Variants in REPS2 observed in about 807,000 individuals in gnomAD.
The protein encoded by REPS2 is RALBP1 associated Eps domain containing 2, also known as ralBP1-associated Eps domain-containing protein 2.
Under a neutral mutation model 53.6 loss-of-function variants are expected in REPS2, and 23 were observed. That is an observed-to-expected ratio of 0.43 (90% CI 0.31 to 0.61). REPS2 has a LOEUF of 0.61. REPS2 is among the 20% of genes least tolerant of loss of function. The pLI is 0.11. For missense variants in REPS2, 446 were observed against 534.9 expected, an observed-to-expected ratio of 0.83 and a Z score of 1.64; for synonymous variants, 238 against 218.6, an observed-to-expected ratio of 1.09 and a Z score of -0.78.
At chrX:17,168,504 CTCTG>C in the REPS2 span, among the ~76,000 whole-genome samples, 26 of 111,407 alleles carry the variant, frequency 2.3e-4, no homozygotes, top group African/African-American at 7.8e-4. Flanking sequence ...CAGAGCAAGA[CTCTG>C]TCTGAGAGGC....
At chrX:17,027,442 C>T (rs776031553) in intron 4 of REPS2, among the ~76,000 whole-genome samples, 3 of 111,747 alleles carry the variant, frequency 2.7e-5, no homozygotes, top group Non-Finnish European at 3.8e-5. Context: ...CACAGTTCGA[C>T]GATCTGTTCT....
chrX:17,139,017 C>CT, intron 17 of REPS2, 56 bp downstream of exon 17: 6 of 782,259 alleles, frequency 7.7e-6, no homozygotes, highest in South Asian at 5.6e-5. Flanking sequence ...TTTTAAAAAG[C>CT]TTTTTTTTAA....
At chrX:17,069,416 A>C (rs945939844) in intron 10 of REPS2, among the ~76,000 whole-genome samples, 25 of 112,581 alleles carry the variant, frequency 2.2e-4, no homozygotes, top group African/African-American at 7.4e-4. Context: ...GGGGCTTAAC[A>C]TGAAAAATAA....
intron 1 of REPS2, among the ~76,000 whole-genome samples, chrX:16,965,044 A>AC (rs1298079625): frequency 4.3e-5 from 3 of 69,425 alleles, no homozygotes; most frequent in Middle Eastern, 0.012. Context: ...CGGGGGGCTG[A>AC]CCCCCCCACC....
intron 13 of REPS2, among the ~76,000 whole-genome samples, chrX:17,100,604 C>G (rs773964227): frequency 4.4e-5 from 5 of 112,584 alleles, no homozygotes; most frequent in Non-Finnish European, 9.4e-5. Context: ...ACAGCAAACA[C>G]CAACACCATA....
chrX:16,959,330 C>T (rs2060633736), intron 1 of REPS2, among the ~76,000 whole-genome samples: 1 of 112,131 alleles, frequency 8.9e-6, no homozygotes, highest in African/African-American at 3.2e-5. Context: ...CTCCTGGGCT[C>T]AAGTGATCCT....
chrX:17,095,120 A>G (rs774247802), intron 13 of REPS2, among the ~76,000 whole-genome samples: 2 of 112,181 alleles, frequency 1.8e-5, no homozygotes, highest in African/African-American at 6.5e-5. Context: ...TTAATAATGA[A>G]GGATAAAAAG....
At chrX:16,978,626 A>G (rs1407664605) in intron 1 of REPS2, 4 of 704,491 alleles carry the variant, frequency 5.7e-6, no homozygotes, top group African/African-American at 2.4e-5. Flanking sequence ...CAATTACAGT[A>G]ATCTCAGAAG....
chrX:17,002,858 G>A (rs1037350046), intron 1 of REPS2, among the ~76,000 whole-genome samples: 9 of 111,877 alleles, frequency 8.0e-5, no homozygotes, highest in African/African-American at 2.9e-4. Flanking sequence ...CCTCTTAGCT[G>A]AGCAGGAAGG....
At chrX:17,168,644 A>C in the REPS2 span, among the ~76,000 whole-genome samples, 1 of 111,701 alleles carries the variant, frequency 9.0e-6, no homozygotes, top group Non-Finnish European at 1.9e-5. Flanking sequence ...TTCTTCACTC[A>C]ATATCTGTGC....
chrX:17,095,672 G>C (rs1158838286), intron 13 of REPS2, among the ~76,000 whole-genome samples: 1 of 111,205 alleles, frequency 9.0e-6, no homozygotes, highest in Non-Finnish European at 1.9e-5. Flanking sequence ...GACTGTAAGA[G>C]TAGGGCCCCT....
intron 4 of REPS2, among the ~76,000 whole-genome samples, chrX:17,028,669 A>G (rs1004977362): frequency 8.9e-6 from 1 of 112,705 alleles, no homozygotes; most frequent in African/African-American, 3.2e-5. Context: ...AAACTATGTT[A>G]AACATGAGGT....
intron 17 of REPS2, among the ~76,000 whole-genome samples, chrX:17,145,385 T>TA (rs746136659): frequency 1.2e-4 from 14 of 112,065 alleles, no homozygotes; most frequent in Non-Finnish European, 2.3e-4. Flanking sequence ...CTTGCATATA[T>TA]AACTTCTTAC....
intron 8 of REPS2, among the ~76,000 whole-genome samples, chrX:17,056,631 C>G (rs1348642491): frequency 9.1e-6 from 1 of 109,692 alleles, no homozygotes; most frequent in African/African-American, 3.3e-5. Context: ...GGAGGCGGAG[C>G]TTGCAGTGAG....
chrX:17,186,937 G>A, the REPS2 span, among the ~76,000 whole-genome samples: 1 of 110,730 alleles, frequency 9.0e-6, no homozygotes, highest in African/African-American at 3.3e-5. Context: ...AGGGAGGGTA[G>A]GAGGAGGGTG....
the REPS2 span, among the ~76,000 whole-genome samples, chrX:17,160,871 T>C: frequency 3.6e-5 from 4 of 112,142 alleles, no homozygotes; most frequent in Non-Finnish European, 7.5e-5. Flanking sequence ...CATAATGTCT[T>C]TAACTGTTAC....
rs2061203175 is a variant in REPS2 at position 16,994,411 on chromosome X, A to G, written c.274-11810A>G. ...CACGTACATATATATACACACACGT[A>G]CATATATATGCACACACACATATAT... is the stretch of plus-strand genomic sequence containing the variant. On this transcript the variant is annotated intron_variant, in intron 1 of 17. Transcript: ENST00000357277. 3.6e-5 allele frequency among the ~76,000 whole-genome samples: 4 copies of G among 110,985 alleles called. No individual in the cohort carries two copies. The Admixed American group carries it at 3.9e-4, about 11-fold the overall frequency.
chrX:16,964,685 C>T (rs1302743333), intron 1 of REPS2, among the ~76,000 whole-genome samples: 141 of 99,422 alleles, frequency 1.4e-3, no homozygotes, highest in Middle Eastern at 5.8e-3. Context: ...CCCTCCTGGA[C>T]GGGGCGGCTG....
In REPS2 at chrX:17,021,451, A is replaced by T. The variant is rs543696217; in HGVS notation, c.398-672A>T. ...TTGATATTGTTTTCCTTATTCCATT[A>T]TGAAAAGACAACCAGAGATTGGATG... is the stretch of plus-strand genomic sequence containing the variant. On this transcript the variant is annotated intron_variant, in intron 2 of 17. Transcript: ENST00000357277. Among the ~76,000 whole-genome samples, 6 of 112,684 alleles carry T rather than the reference A, an allele frequency of 5.3e-5. No individual in the cohort carries two copies. In the South Asian group the frequency reaches 2.2e-3, roughly 41 times the overall value.
Sources: gnomAD v4.1 joint callset for allele counts (sites outside exome capture counted in the v4.1 genomes callset) on GRCh38, gnomAD v4.1.1 for gene constraint, MANE v1.5 for transcripts, NCBI Gene and HGNC (gene_info 2026-07-23, HGNC 2026-07-21) for gene names.